The following CNTNAP4 variants were observed in gnomAD, a reference collection of about 807,000 sequenced individuals.
CNTNAP4 encodes the protein contactin-associated protein-like 4.
CNTNAP4 carries 98 observed loss-of-function variants against 148.4 expected under a neutral mutation model. The observed-to-expected ratio is 0.66, with a 90% confidence interval of 0.56 to 0.78. The LOEUF (loss-of-function observed/expected upper bound fraction) is 0.78, where lower values mean the gene tolerates loss of function less well. CNTNAP4 is among the 30% of genes least tolerant of loss of function. The pLI is 0.00. For synonymous variants in CNTNAP4, 730 were observed against 565.1 expected (o/e 1.29, Z -4.14); for missense variants, 1,935 against 1,565.6 (o/e 1.24, Z -3.98).
At chr16:76,430,694 A>C (rs921554782) in intron 4 of CNTNAP4, among the ~76,000 whole-genome samples, 3 of 152,168 alleles carry the variant, frequency 2.0e-5, no homozygotes, top group Non-Finnish European at 4.4e-5. Context: ...CCTCATCTGC[A>C]CCAAATTAAC....
At chr16:76,361,351 A>T (rs948875229) in intron 3 of CNTNAP4, among the ~76,000 whole-genome samples, 3 of 152,044 alleles carry the variant, frequency 2.0e-5, no homozygotes, top group African/African-American at 7.3e-5. Flanking sequence ...GCCTCTATAG[A>T]TTTGACTATT....
intron 3 of CNTNAP4, among the ~76,000 whole-genome samples, chr16:76,417,937 T>A (rs2079045620): frequency 6.6e-6 from 1 of 151,754 alleles, no homozygotes; most frequent in Non-Finnish European, 1.5e-5. Context: ...GCTTGCTTGC[T>A]TGTTTTCTGA....
chr16:76,514,455 G>T (rs1335692291), intron 15 of CNTNAP4, among the ~76,000 whole-genome samples: 1 of 152,132 alleles, frequency 6.6e-6, no homozygotes, highest in Non-Finnish European at 1.5e-5. Context: ...CTAATGAAAA[G>T]AAATATCTTC....
At chr16:76,282,161 G>A (rs112701356) in intron 1 of CNTNAP4, among the ~76,000 whole-genome samples, 6 of 151,810 alleles carry the variant, frequency 4.0e-5, no homozygotes, top group African/African-American at 9.6e-5. Flanking sequence ...GGTACTGAAC[G>A]CAATGCTATT....
At chr16:76,416,433 A>T in intron 3 of CNTNAP4, among the ~76,000 whole-genome samples, 1 of 151,316 alleles carries the variant, frequency 6.6e-6, no homozygotes, top group East Asian at 1.9e-4. Context: ...CTTTTGCTCT[A>T]TCCTGCGTAT....
intron 21 of CNTNAP4, among the ~76,000 whole-genome samples, chr16:76,548,958 A>G (rs2084851925): frequency 6.6e-6 from 1 of 152,050 alleles, no homozygotes; most frequent in Non-Finnish European, 1.5e-5. Flanking sequence ...TTTTGTTTGG[A>G]CTCAATTCTG....
rs538912599 is a variant in CNTNAP4, at chr16:76,326,262, C to G, written c.196+9739C>G. Among the ~76,000 whole-genome samples the G allele has an allele frequency of 8.3e-4, 127 of 152,288 alleles. 7 individuals carry two copies. In the South Asian group the frequency reaches 0.023, roughly 27 times the overall value. On this transcript the variant is annotated intron_variant, in intron 2 of 23. Transcript: ENST00000611870. The stretch of plus-strand genomic sequence containing the variant: ...GCGTACATGTGTGAAGGGCCCCAGA[C>G]TCTGCCTCAGAATGAGAATGCCTCC...
chr16:76,405,357 C>G (rs1160661774), intron 3 of CNTNAP4, among the ~76,000 whole-genome samples: 1 of 152,136 alleles, frequency 6.6e-6, no homozygotes, highest in African/African-American at 2.4e-5. Flanking sequence ...TCCAAATCAT[C>G]AATTTCTAAA....
chr16:76,418,473 A>G (rs1348170810), intron 3 of CNTNAP4, among the ~76,000 whole-genome samples: 1 of 150,710 alleles, frequency 6.6e-6, no homozygotes, highest in Non-Finnish European at 1.5e-5. Flanking sequence ...GTTGTATTGA[A>G]TCTGTTGTTG....
intron 4 of CNTNAP4, among the ~76,000 whole-genome samples, chr16:76,440,584 G>A (rs12931657): frequency 6.6e-6 from 1 of 151,866 alleles, no homozygotes; most frequent in Non-Finnish European, 1.5e-5. Flanking sequence ...TCAGAGAATA[G>A]GTTTATGGAA....
intron 3 of CNTNAP4, among the ~76,000 whole-genome samples, chr16:76,395,076 G>A (rs1054480538): frequency 6.6e-6 from 1 of 152,096 alleles, no homozygotes; most frequent in African/African-American, 2.4e-5. Context: ...GTTTACTTCT[G>A]ATGGCAAAAC....
chr16:76,284,211 A>C (rs1347878252), intron 1 of CNTNAP4, among the ~76,000 whole-genome samples: 13 of 151,960 alleles, frequency 8.6e-5, no homozygotes, highest in Admixed American at 4.6e-4. Flanking sequence ...TGTTTCCTAT[A>C]TTGTTGCATG....
intron 10 of CNTNAP4, among the ~76,000 whole-genome samples, chr16:76,471,677 G>T (rs552823446): frequency 2.0e-5 from 3 of 152,226 alleles, no homozygotes; most frequent in Admixed American, 2.0e-4. Context: ...CCCCAAGCCT[G>T]CCCTTTGTTC....
At position 76,391,533 on chromosome 16, in the gene CNTNAP4, C is replaced by A. The variant is rs1163010172; in HGVS notation, c.391-35919C>A. Among the ~76,000 whole-genome samples, 2 of 152,166 alleles carry A rather than the reference C, an allele frequency of 1.3e-5. 1 individual carries two copies. Among genetic ancestry groups the A allele is most frequent in the Non-Finnish European group, 2.9e-5 (2 of 68,038 alleles). Reference sequence around the variant, plus strand: ...ATCTGGCTGGCATTTTATGCTCAACCAGGTTGTCTTGTATGCTATTCAACA... The same window carrying A: ...ATCTGGCTGGCATTTTATGCTCAACAAGGTTGTCTTGTATGCTATTCAACA... On this transcript the variant is annotated intron_variant, in intron 3 of 23. Transcript: ENST00000611870.
rs140111054 is a variant in CNTNAP4, at chr16:76,335,817, T to C, written c.196+19294T>C. Among the ~76,000 whole-genome samples the C allele has an allele frequency of 1.0e-3, 154 of 151,952 alleles. 1 individual carries two copies. The highest frequency in any genetic ancestry group is 3.6e-3 in the African/African-American group (148 of 41,450). ...TGGGGGTGCCGAGAAGCACAGGAGGTAGAGGCAGTGCTGTTGGCAAGGTCT... is the reference window on the plus strand; with the variant it reads ...TGGGGGTGCCGAGAAGCACAGGAGGCAGAGGCAGTGCTGTTGGCAAGGTCT... On this transcript the variant is annotated intron_variant, in intron 2 of 23. Coordinates refer to ENST00000611870, the MANE Select transcript of CNTNAP4 (RefSeq NM_033401.5).
At chr16:76,414,219 C>T (rs1023599210) in intron 3 of CNTNAP4, among the ~76,000 whole-genome samples, 5 of 151,230 alleles carry the variant, frequency 3.3e-5, no homozygotes, top group African/African-American at 1.2e-4. Flanking sequence ...TTAGACATTG[C>T]CTGCTGGGCT....
At chr16:76,390,417 C>T (rs796728694) in intron 3 of CNTNAP4, among the ~76,000 whole-genome samples, 1 of 152,126 alleles carries the variant, frequency 6.6e-6, no homozygotes. Context: ...GGACTATATC[C>T]TTTTGCCAGG....
At chr16:76,299,832 C>T (rs765396162) in intron 1 of CNTNAP4, among the ~76,000 whole-genome samples, 2 of 152,126 alleles carry the variant, frequency 1.3e-5, no homozygotes, top group Non-Finnish European at 2.9e-5. Context: ...ATGATAAGTT[C>T]ATGTCCTTTG....
At position 76,498,585 on chromosome 16, in the gene CNTNAP4, G is replaced by T. The variant is rs745345356; in HGVS notation, c.2256G>T (p.Leu752Phe). The T allele has an allele frequency of 1.2e-6, 2 of 1,611,960 alleles. No homozygotes were observed. The highest frequency in any genetic ancestry group is 2.2e-5 in the South Asian group (2 of 90,554). Reference protein sequence around the residue: ...DRNEWTNDTGLLAYKEHLPVT... With the variant: ...DRNEWTNDTGFLAYKEHLPVT... ...TTTTTAGGACCAATGACACTGGATTGCTTGCTTATAAAGAACATCTTCCAG... is the reference window on the plus strand; with the variant it reads ...TTTTTAGGACCAATGACACTGGATTTCTTGCTTATAAAGAACATCTTCCAG... Residue 752 changes from leucine (L) to phenylalanine (F), a missense_variant, in exon 15 of 24, where the codon TTG (leucine) becomes TTT (phenylalanine). Transcript: ENST00000611870.
Sources: allele counts gnomAD v4.1 joint callset (sites outside exome capture counted in the v4.1 genomes callset), GRCh38; gene constraint gnomAD v4.1.1; transcripts MANE v1.5; gene names NCBI Gene and HGNC (gene_info 2026-07-23, HGNC 2026-07-21).